The following TENM2 variants were observed in gnomAD, a reference collection of about 807,000 sequenced individuals.
TENM2 encodes the protein teneurin-2.
In TENM2, 52 loss-of-function variants were observed where a neutral mutation model predicts 245.2. That is an observed-to-expected ratio of 0.21 (90% confidence interval 0.17 to 0.27). The LOEUF (loss-of-function observed/expected upper bound fraction) is 0.27. Ranked by LOEUF, TENM2 falls within the 10% of genes least tolerant of loss-of-function variation. TENM2 has a pLI of 1.00. For synonymous variants in TENM2, 1,363 were observed against 1,438.9 expected (o/e 0.95, Z 1.19); for missense variants, 3,046 against 3,666.8 (o/e 0.83, Z 4.37).
chr5:167,456,897 G>A (rs1030857342), intron 2 of TENM2, among the ~76,000 whole-genome samples: 7 of 152,140 alleles, frequency 4.6e-5, no homozygotes, highest in Non-Finnish European at 7.4e-5. Flanking sequence ...CTGCAGCTCC[G>A]AAAAGCGCTG....
intron 2 of TENM2, 87 bp downstream of exon 4, chr5:167,375,560 G>A (rs945715513): frequency 3.0e-6 from 4 of 1,349,864 alleles, no homozygotes; most frequent in African/African-American, 1.5e-5. Context: ...ATGAAGCGGC[G>A]TCATAAAACC....
At chr5:167,993,217 G>A (rs763964542) in intron 5 of TENM2, 35 bp downstream of exon 7, 4 of 1,551,482 alleles carry the variant, frequency 2.6e-6, no homozygotes, top group Admixed American at 1.7e-5. Flanking sequence ...CAACGCTGGG[G>A]ATGACAACAT....
At chr5:167,213,362 A>G in the TENM2 span, among the ~76,000 whole-genome samples, 3 of 152,302 alleles carry the variant, frequency 2.0e-5, no homozygotes, top group Admixed American at 2.0e-4. Context: ...GGGGGCTGAC[A>G]TCTTGGTTTC....
intron 2 of TENM2, among the ~76,000 whole-genome samples, chr5:167,497,526 T>C (rs758357775): frequency 6.6e-6 from 1 of 152,052 alleles, no homozygotes; most frequent in Non-Finnish European, 1.5e-5. Context: ...TTTTGAACAA[T>C]CATGGCCTTC....
At chr5:167,685,259 A>G (rs780415639) in intron 2 of TENM2, among the ~76,000 whole-genome samples, 1 of 152,206 alleles carries the variant, frequency 6.6e-6, no homozygotes, top group Non-Finnish European at 1.5e-5. Context: ...TCTTCCTTTT[A>G]GTTATCTCTT....
chr5:168,141,554 C>A (rs1365101891), intron 12 of TENM2, among the ~76,000 whole-genome samples: 1 of 152,104 alleles, frequency 6.6e-6, no homozygotes, highest in Non-Finnish European at 1.5e-5. Context: ...AAAGATCCAG[C>A]AGAAAAGTTT....
At chr5:167,992,999 C>A (rs772326725) in exon 5 of TENM2, 1 of 1,613,988 alleles carries the variant, frequency 6.2e-7, no homozygotes, top group South Asian at 1.1e-5. Context: ...CAGCTCTTCC[C>A]CGGGATACCC....
chr5:167,838,780 T>C (rs1046665046), intron 2 of TENM2, among the ~76,000 whole-genome samples: 2 of 152,178 alleles, frequency 1.3e-5, no homozygotes, highest in African/African-American at 4.8e-5. Flanking sequence ...GAGGATTCTA[T>C]AAGTCTAAAG....
At chr5:167,829,079 G>T (rs1426118093) in intron 2 of TENM2, among the ~76,000 whole-genome samples, 1 of 152,212 alleles carries the variant, frequency 6.6e-6, no homozygotes, top group Non-Finnish European at 1.5e-5. Context: ...CAGGTCAGGA[G>T]CAGTGGATTG....
chr5:168,092,365 A>T (rs1793015444), intron 8 of TENM2, among the ~76,000 whole-genome samples: 1 of 152,204 alleles, frequency 6.6e-6, no homozygotes, highest in Non-Finnish European at 1.5e-5. Flanking sequence ...TTTTATGAAT[A>T]AAGTTTTATT....
Position 167,504,812 on chromosome 5 carries a change from G to A in TENM2, c.502+129339G>A, listed in dbSNP as rs114501160. Among the ~76,000 whole-genome samples, 1,339 of 152,220 alleles carry A rather than the reference G, an allele frequency of 8.8e-3. 20 individuals carry two copies. The highest frequency in any genetic ancestry group is 0.031 in the African/African-American group (1,296 of 41,540). On this transcript the variant is annotated intron_variant, in intron 2 of 28. Coordinates refer to ENST00000518659, the Ensembl canonical transcript of TENM2. ...TGTCTTCCAAAATATAATTCCCCAC[G>A]AAATATCTAGGGACCTGTTTTTCTT...
At chr5:167,619,210 T>C (rs1301512739) in intron 2 of TENM2, among the ~76,000 whole-genome samples, 1 of 152,142 alleles carries the variant, frequency 6.6e-6, no homozygotes, top group Non-Finnish European at 1.5e-5. Context: ...TTCTCATCAC[T>C]GTATAGGTCA....
At chr5:168,259,404 A>G (rs1265663612) in intron 27 of TENM2, among the ~76,000 whole-genome samples, 1 of 152,068 alleles carries the variant, frequency 6.6e-6, no homozygotes, top group Non-Finnish European at 1.5e-5. Flanking sequence ...CCTGACCAAC[A>G]TGGAGAAACC....
chr5:167,688,350 C>A (rs1014111304), intron 2 of TENM2, among the ~76,000 whole-genome samples: 1 of 152,036 alleles, frequency 6.6e-6, no homozygotes, highest in Non-Finnish European at 1.5e-5. Context: ...TTTTATGATT[C>A]TCCTTGTGAT....
At chr5:167,327,936 A>G (rs567027760) in intron 1 of TENM2, among the ~76,000 whole-genome samples, 1 of 152,290 alleles carries the variant, frequency 6.6e-6, no homozygotes, top group East Asian at 1.9e-4. Context: ...ATGATATTGT[A>G]TGAAATTAGA....
At chr5:167,148,899 C>T in the TENM2 span, among the ~76,000 whole-genome samples, 1 of 152,140 alleles carries the variant, frequency 6.6e-6, no homozygotes, top group Admixed American at 6.6e-5. Context: ...AAATTTATTA[C>T]CAGGAGCTCA....
intron 2 of TENM2, among the ~76,000 whole-genome samples, chr5:167,792,084 A>G (rs1049246158): frequency 6.6e-6 from 1 of 152,198 alleles, no homozygotes; most frequent in African/African-American, 2.4e-5. Flanking sequence ...TCAAAAGTGG[A>G]CAAGTGAAAA....
At chr5:167,791,455 A>G (rs1444456125) in intron 2 of TENM2, among the ~76,000 whole-genome samples, 1 of 145,066 alleles carries the variant, frequency 6.9e-6, no homozygotes, top group Non-Finnish European at 1.5e-5. Flanking sequence ...AATATATTAT[A>G]TAGATTATAT....
chr5:167,744,546 A>C lies in TENM2; in HGVS notation c.503-131440A>C, dbSNP rs1761423329. On this transcript the variant is annotated intron_variant, in intron 2 of 28. Coordinates refer to ENST00000518659, the Ensembl canonical transcript of TENM2. ...AAGGAAAATGCAATGATTTTTAAGTACTTTGGGCCATTTTCCTCTCTTGCT... is the reference window on the plus strand; with the variant it reads ...AAGGAAAATGCAATGATTTTTAAGTCCTTTGGGCCATTTTCCTCTCTTGCT... 1.3e-5 allele frequency among the ~76,000 whole-genome samples: 2 copies of C among 152,160 alleles called. 1 individual carries two copies. Among genetic ancestry groups the C allele is most frequent in the South Asian group, 4.1e-4 (2 of 4,828 alleles).
Sources: gnomAD v4.1 joint callset for allele counts (sites outside exome capture counted in the v4.1 genomes callset) on GRCh38, gnomAD v4.1.1 for gene constraint, MANE v1.5 for transcripts, NCBI Gene and HGNC (gene_info 2026-07-23, HGNC 2026-07-21) for gene names.